The following CCDC81 variants were observed in gnomAD, a reference collection of about 807,000 sequenced individuals.
CCDC81 encodes coiled-coil domain-containing protein 81.
CCDC81 carries 79 observed loss-of-function variants against 83.7 expected under a neutral mutation model. That is an observed-to-expected ratio of 0.94 (90% confidence interval 0.79 to 1.14). The LOEUF (loss-of-function observed/expected upper bound fraction) is 1.14. Among genes scored for constraint, CCDC81 ranks in the 50% most tolerant of loss-of-function variants. The pLI is 0.00. For missense variants in CCDC81, 791 were observed against 778.1 expected (o/e 1.02, Z -0.20); for synonymous variants, 252 against 278.1 (o/e 0.91, Z 0.93).
chr11:86,411,777 T>G (rs374965195), intron 10 of CCDC81, among the ~76,000 whole-genome samples: 1 of 152,240 alleles, frequency 6.6e-6, no homozygotes, highest in Non-Finnish European at 1.5e-5. Context: ...GTTTTGTTTT[T>G]GTTTTTGTTT....
rs75402226 is a variant in CCDC81 at position 86,406,934 on chromosome 11, A to T, written c.882-680A>T. 6.3e-3 allele frequency among the ~76,000 whole-genome samples: 954 copies of T among 152,214 alleles called. 9 individuals carry two copies. Among genetic ancestry groups the T allele is most frequent in the African/African-American group, 0.022 (927 of 41,520 alleles). On this transcript the variant is annotated intron_variant, in intron 7 of 14. Transcript: ENST00000445632. ...GTATTAATATTAATACTCACCCCTA[A>T]TTCATCTCCCTCCACCACACTGACC...
At chr11:86,413,042 T>A (rs1251887384) in intron 11 of CCDC81, among the ~76,000 whole-genome samples, 1 of 152,132 alleles carries the variant, frequency 6.6e-6, no homozygotes, top group Non-Finnish European at 1.5e-5. Flanking sequence ...GCTTGGAGAA[T>A]GAGTGCAAGG....
chr11:86,419,070 C>T (rs1948756302), intron 13 of CCDC81: 1 of 152,160 alleles, frequency 6.6e-6, no homozygotes, highest in Admixed American at 6.5e-5. Context: ...AAAAGTGAGA[C>T]AGTATAGAGG....
chr11:86,412,841 T>C (rs982737983), intron 11 of CCDC81, among the ~76,000 whole-genome samples: 2 of 152,050 alleles, frequency 1.3e-5, no homozygotes, highest in African/African-American at 4.8e-5. Flanking sequence ...CACGGCAGTA[T>C]CTAGGGGTGA....
chr11:86,379,249 A>C (rs1324636362), intron 1 of CCDC81, among the ~76,000 whole-genome samples: 1 of 151,938 alleles, frequency 6.6e-6, no homozygotes, highest in African/African-American at 2.4e-5. Context: ...GGCACCCGCC[A>C]CCATGCCTGG....
chr11:86,408,851 GTTTC>G (rs906051194), intron 9 of CCDC81, among the ~76,000 whole-genome samples: 11 of 152,082 alleles, frequency 7.2e-5, no homozygotes, highest in Non-Finnish European at 1.2e-4. Flanking sequence ...TTGGATTTAT[GTTTC>G]TTTATTTCTG....
chr11:86,395,413 G>A lies in CCDC81; in HGVS notation c.635G>A (p.Arg212Lys). The A allele has an allele frequency of 6.2e-7, 1 of 1,613,764 alleles. No homozygotes were observed. Among genetic ancestry groups the A allele is most frequent in the Non-Finnish European group, 8.5e-7 (1 of 1,179,756 alleles). Residue 212 changes from arginine to lysine, a missense_variant and splice_region_variant, in exon 5 of 15, where the codon AGG becomes AAG. Coordinates refer to ENST00000445632, the MANE Select transcript of CCDC81 (RefSeq NM_001156474.2). ...CCCAGCAGTGTGCTTGCGTTTCCAA[G>A]GTGAGTGCTTTGCTTCACGGGTTCC... ...KWPSSVLAFPRIELKEMENKL... is the reference protein window; with the variant it reads ...KWPSSVLAFPKIELKEMENKL...
intron 1 of CCDC81, among the ~76,000 whole-genome samples, chr11:86,376,354 A>G (rs1948098044): frequency 6.6e-6 from 1 of 152,222 alleles, no homozygotes; most frequent in South Asian, 2.1e-4. Context: ...TGAAGATACT[A>G]TCCCAGACTG....
Position 86,387,599 on chromosome 11 carries a change from G to C in CCDC81, c.225G>C (p.Gln75His). 3 of 1,612,804 alleles carry C rather than the reference G, an allele frequency of 1.9e-6. No individual in the cohort carries two copies. Among genetic ancestry groups the C allele is most frequent in the Non-Finnish European group, 1.7e-6 (2 of 1,178,890 alleles). The change falls in exon 3 of 15, where the codon CAG becomes CAC. Residue 75 changes from glutamine to histidine, a missense_variant. Gln to His is a conservative substitution (Grantham distance 24). Coordinates refer to ENST00000445632, the MANE Select transcript of CCDC81 (RefSeq NM_001156474.2). ...GAAACAACAAATTTATCTTAATCCA[G>C]AGGCCTGTGTTTATCATGGTGGAGA... ...EVGNNKFILI[Q>H]RPVFIMVEKL...
chr11:86,419,851 A>G, intron 13 of CCDC81, 77 bp from the exon 14 acceptor site: 2 of 1,484,712 alleles, frequency 1.3e-6, no homozygotes, highest in Non-Finnish European at 1.8e-6. Context: ...TTTGTTTAAC[A>G]TAAAAGGAAT....
Position 86,409,262 on chromosome 11 carries a change from T to G in CCDC81, c.1115T>G (p.Met372Arg). The change falls in exon 10 of 15, where the codon ATG becomes AGG. Residue 372 changes from methionine to arginine, a missense_variant and splice_region_variant. Transcript: ENST00000445632. ...KDQEALFRHQ[M>R]KSLATREQNQ... ...ACTTTTTTTTTTTTTAAACAATAGA[T>G]GAAAAGTCTGGCTACTAGAGAACAG... 1 of 1,392,196 alleles carries G rather than the reference T, an allele frequency of 7.2e-7. No individual in the cohort carries two copies. The highest frequency in any genetic ancestry group is 1.9e-4 in the Middle Eastern group (1 of 5,340). 86.2% of individuals were successfully genotyped at this position (1,392,196 alleles called of 1,614,324 possible). A position where few individuals can be genotyped will look rare whatever the true frequency, so the allele number is the denominator to read the frequency against.
chr11:86,379,430 C>T (rs749179142), intron 1 of CCDC81, among the ~76,000 whole-genome samples: 9 of 152,020 alleles, frequency 5.9e-5, no homozygotes, highest in Non-Finnish European at 1.0e-4. Context: ...TAGTAGTTGC[C>T]TTAGATTACA....
intron 1 of CCDC81, among the ~76,000 whole-genome samples, chr11:86,379,066 G>C (rs971167792): frequency 2.7e-5 from 4 of 150,724 alleles, no homozygotes; most frequent in Non-Finnish European, 5.9e-5. Flanking sequence ...AGCATTTTAC[G>C]ATTCCATTTT....
intron 7 of CCDC81, among the ~76,000 whole-genome samples, chr11:86,403,013 A>ATTTTTTTTTTTT (rs545083032): frequency 1.8e-5 from 2 of 112,488 alleles, no homozygotes; most frequent in African/African-American, 3.3e-5. Flanking sequence ...TAATTTTTTG[A>ATTTTTTTTTTTT]TTTTTTTTTT....
chr11:86,405,715 G>A (rs972426625), intron 7 of CCDC81, among the ~76,000 whole-genome samples: 11 of 150,632 alleles, frequency 7.3e-5, no homozygotes, highest in African/African-American at 2.7e-4. Flanking sequence ...TTATTTTATG[G>A]TCAATGATTA....
intron 10 of CCDC81, among the ~76,000 whole-genome samples, chr11:86,411,798 T>C (rs1948644905): frequency 6.6e-6 from 1 of 152,198 alleles, no homozygotes; most frequent in African/African-American, 2.4e-5. Context: ...TAAATAAACA[T>C]AGAAATTGAC....
At chr11:86,379,074 T>A (rs957926785) in intron 1 of CCDC81, among the ~76,000 whole-genome samples, 1 of 151,940 alleles carries the variant, frequency 6.6e-6, no homozygotes, top group African/African-American at 2.4e-5. Flanking sequence ...ACGATTCCAT[T>A]TTCTCCTTTT....
At chr11:86,384,514 C>G (rs1421466154) in intron 1 of CCDC81, among the ~76,000 whole-genome samples, 1 of 152,198 alleles carries the variant, frequency 6.6e-6, no homozygotes, top group South Asian at 2.1e-4. Context: ...TTCTCATCCA[C>G]CAAACCTGCC....
rs57685049 is a variant in CCDC81 at position 86,409,950 on chromosome 11, CT to C, written c.1218+586del. On this transcript the variant is annotated intron_variant, in intron 10 of 14. Coordinates refer to ENST00000445632, the MANE Select transcript of CCDC81 (RefSeq NM_001156474.2). ...TGGGTGGAGAGGAGGGAGCAGTATA[CT>C]ACTAAAGTCCAGCCCAAGGACCTAA... Among the ~76,000 whole-genome samples, 1,112 of 152,278 alleles carry C rather than the reference CT, an allele frequency of 7.3e-3. 10 individuals are homozygous for C. The highest frequency in any genetic ancestry group is 0.025 in the African/African-American group (1,048 of 41,558).
Sources: gnomAD v4.1 joint callset for allele counts (sites outside exome capture counted in the v4.1 genomes callset) on GRCh38, gnomAD v4.1.1 for gene constraint, MANE v1.5 for transcripts, NCBI Gene and HGNC (gene_info 2026-07-23, HGNC 2026-07-21) for gene names.